PTPN9: variants seen among roughly 807,000 people sequenced by gnomAD.
PTPN9 encodes the protein protein tyrosine phosphatase non-receptor type 9, also known as tyrosine-protein phosphatase non-receptor type 9.
Under a neutral mutation model 69.8 loss-of-function variants are expected in PTPN9, and 26 were observed. The observed-to-expected ratio is 0.37, with a 90% CI of 0.27 to 0.52. The LOEUF (loss-of-function observed/expected upper bound fraction) is 0.52, where lower values mean the gene tolerates loss of function less well. Among genes scored for constraint, PTPN9 ranks in the 20% least tolerant of loss-of-function variants. The pLI, the probability that PTPN9 is intolerant of heterozygous loss-of-function variation, is 0.91. For missense variants in PTPN9, 549 were observed against 740.3 expected (o/e 0.74, Z 3.00); for synonymous variants, 274 against 272.5 (o/e 1.01, Z -0.05).
intron 1 of PTPN9, among the ~76,000 whole-genome samples, chr15:75,560,375 C>T (rs1226683910): frequency 6.6e-6 from 1 of 152,072 alleles, no homozygotes; most frequent in Non-Finnish European, 1.5e-5. Context: ...CCAGAAATAC[C>T]ATTTTTTCTT....
At chr15:75,504,174 G>A (rs2074797868) in intron 7 of PTPN9, among the ~76,000 whole-genome samples, 1 of 126,918 alleles carries the variant, frequency 7.9e-6, no homozygotes, top group Non-Finnish European at 1.7e-5. Context: ...CGGGAGGGAG[G>A]TGGGGGGGTC....
Position 75,565,109 on chromosome 15 carries a change from T to TATAATAATA in PTPN9, c.63+13596_63+13604dup, listed in dbSNP as rs200204488. ...GAAAAAGACTCCGTCTCAAAAAATA[T>TATAATAATA]ATAATAATAATAATAATAATAATAA... is the stretch of plus-strand genomic sequence containing the variant. On this transcript the variant is annotated intron_variant, in intron 1 of 12. Transcript: ENST00000618819. 1.4e-3 allele frequency among the ~76,000 whole-genome samples: 198 copies of TATAATAATA among 141,798 alleles called. 1 individual carries two copies. Among genetic ancestry groups the TATAATAATA allele is most frequent in the Middle Eastern group, 3.7e-3 (1 of 272 alleles). 93.0% of individuals were successfully genotyped at this position (141,798 alleles called of 152,430 possible). A position where few individuals can be genotyped will look rare whatever the true frequency, so the allele number is the denominator to read the frequency against.
At position 75,505,659 on chromosome 15, in the gene PTPN9, A is replaced by G. The variant is rs751782514; in HGVS notation, c.968+16T>C. On this transcript the variant is annotated intron_variant, in intron 7 of 12. Transcript: ENST00000618819. ...ATCCTGGTAACCAGCTGCTGGCCCA[A>G]ACTTTTTCTACTTACATGGAACAGT... is the stretch of plus-strand genomic sequence containing the variant. The G allele has an allele frequency of 5.6e-6, 9 of 1,600,488 alleles. 1 individual carries two copies. In the East Asian group the frequency reaches 8.9e-5, roughly 16 times the overall value.
At chr15:75,575,868 G>C (rs889325161) in intron 1 of PTPN9, among the ~76,000 whole-genome samples, 2 of 139,756 alleles carry the variant, frequency 1.4e-5, no homozygotes, top group African/African-American at 5.4e-5. Context: ...GCAGTGAGCC[G>C]AGATTGCGCC....
chr15:75,485,973 G>A (rs1002663076), intron 8 of PTPN9, among the ~76,000 whole-genome samples: 29 of 151,518 alleles, frequency 1.9e-4, no homozygotes, highest in Admixed American at 1.2e-3. Context: ...GGTGGCGGGC[G>A]CCTGTAGTCC....
At chr15:75,472,808 C>T (rs2074575156) in intron 10 of PTPN9, among the ~76,000 whole-genome samples, 1 of 149,938 alleles carries the variant, frequency 6.7e-6, no homozygotes, top group Non-Finnish European at 1.5e-5. Context: ...ATTAGCCAGG[C>T]GTGGTGGCAC....
At chr15:75,512,622 T>C (rs1466495743) in intron 5 of PTPN9, 3 of 152,954 alleles carry the variant, frequency 2.0e-5, no homozygotes, top group Non-Finnish European at 2.9e-5. Context: ...TTTAAGGATT[T>C]ATAATGCCAG....
In PTPN9 at chr15:75,578,922, C is replaced by T. The variant is rs948801302; in HGVS notation, c.-146G>A. 5.7e-5 allele frequency: 21 copies of T among 367,472 alleles called. No individual in the cohort carries two copies. Among genetic ancestry groups the T allele is most frequent in the Non-Finnish European group, 9.4e-5 (21 of 224,268 alleles). The allele number at this position is 367,472 out of a possible 1,614,324, so 22.8% of individuals were successfully genotyped here. A position where few individuals can be genotyped will look rare whatever the true frequency, so the allele number is the denominator to read the frequency against. On this transcript the variant is annotated 5_prime_UTR_variant, in exon 1 of 13. Transcript: ENST00000618819. ...GGCCGGCAGGGCCCGGCGCCTGCAG[C>T]GGCCGCAAACGCCGCTTCTGCTTCC...
intron 9 of PTPN9, among the ~76,000 whole-genome samples, chr15:75,478,626 T>C (rs2074610485): frequency 6.6e-6 from 1 of 152,248 alleles, no homozygotes; most frequent in African/African-American, 2.4e-5. Flanking sequence ...TTTTGTTTTT[T>C]ATGGCATTAA....
At chr15:75,544,259 C>T (rs1408196435) in intron 1 of PTPN9, among the ~76,000 whole-genome samples, 1 of 152,098 alleles carries the variant, frequency 6.6e-6, no homozygotes, top group Non-Finnish European at 1.5e-5. Flanking sequence ...CCTGGCCAGG[C>T]GTGGGGGCTC....
rs1419116045 is a variant in PTPN9, at chr15:75,527,219, G to C, written c.106C>G (p.Gln36Glu). ...CAAGACAGCGGGGAAACATTGTACT[G>C]AACTGTCCACTTGTTAATCTCTTCG... ...FLEEINKWTVQYNVSPLSWNV... is the reference protein window; with the variant it reads ...FLEEINKWTVEYNVSPLSWNV... Residue 36 changes from glutamine to glutamate, a missense_variant, in exon 2 of 13, where the codon CAG (glutamine) becomes GAG (glutamate). Gln to Glu is a conservative substitution (Grantham distance 29). Coordinates refer to ENST00000618819, the MANE Select transcript of PTPN9 (RefSeq NM_002833.4). The C allele has an allele frequency of 1.9e-6, 3 of 1,614,090 alleles. No individual in the cohort carries two copies. The highest frequency in any genetic ancestry group is 1.3e-5 in the African/African-American group (1 of 75,030).
At chr15:75,495,671 C>T (rs1371089284) in intron 7 of PTPN9, among the ~76,000 whole-genome samples, 1 of 151,092 alleles carries the variant, frequency 6.6e-6, no homozygotes, top group African/African-American at 2.4e-5. Flanking sequence ...GAGCCGAGAT[C>T]GCGCCACTAC....
At chr15:75,470,494 G>A (rs2074558285) in intron 11 of PTPN9, among the ~76,000 whole-genome samples, 186 bp downstream of exon 11, 1 of 152,170 alleles carries the variant, frequency 6.6e-6, no homozygotes, top group South Asian at 2.1e-4. Context: ...CCTATTTAAT[G>A]TTCCTATCGT....
intron 8 of PTPN9, chr15:75,487,270 C>T (rs1450123296): frequency 6.6e-6 from 1 of 150,796 alleles, no homozygotes; most frequent in Non-Finnish European, 1.5e-5. Context: ...TGTTAAGTCC[C>T]CAAAGCTAAG....
intron 4 of PTPN9, among the ~76,000 whole-genome samples, chr15:75,519,678 C>T (rs1200616954): frequency 6.8e-6 from 1 of 147,842 alleles, no homozygotes; most frequent in Non-Finnish European, 1.5e-5. Flanking sequence ...CATTATGTTG[C>T]CCAGGCTGGT....
At chr15:75,486,935 C>T (rs1250925185) in intron 8 of PTPN9, among the ~76,000 whole-genome samples, 1 of 151,900 alleles carries the variant, frequency 6.6e-6, no homozygotes, top group Non-Finnish European at 1.5e-5. Context: ...CAGGCGCCCA[C>T]CACCACACCT....
At chr15:75,503,833 C>T (rs1389101121) in intron 7 of PTPN9, among the ~76,000 whole-genome samples, 1 of 130,086 alleles carries the variant, frequency 7.7e-6, no homozygotes, top group East Asian at 2.5e-4. Flanking sequence ...CCCGGCCAGC[C>T]GCCCCGTCCG....
intron 5 of PTPN9, among the ~76,000 whole-genome samples, chr15:75,511,535 T>G (rs191251972): frequency 6.6e-6 from 1 of 152,218 alleles, no homozygotes; most frequent in Non-Finnish European, 1.5e-5. Context: ...TGAGCCTCCA[T>G]GCCTGGCCTG....
At chr15:75,545,530 G>C (rs1199933199) in intron 1 of PTPN9, among the ~76,000 whole-genome samples, 7 of 152,154 alleles carry the variant, frequency 4.6e-5, no homozygotes, top group African/African-American at 9.7e-5. Context: ...GAAAAGCAAT[G>C]AAAGAGGTGA....
Sources: allele counts gnomAD v4.1 joint callset (sites outside exome capture counted in the v4.1 genomes callset), GRCh38; gene constraint gnomAD v4.1.1; transcripts MANE v1.5; gene names NCBI Gene and HGNC (gene_info 2026-07-23, HGNC 2026-07-21).